The following MTRF1 variants were observed in gnomAD, a reference collection of about 807,000 sequenced individuals.
MTRF1 encodes peptide chain release factor 1, mitochondrial.
A neutral mutation model predicts 62.9 loss-of-function variants in MTRF1; 51 were observed. The ratio of observed to expected loss-of-function variants is 0.81; its 90% CI spans 0.65 to 1.02. The LOEUF (loss-of-function observed/expected upper bound fraction) is 1.02, where lower values mean the gene tolerates loss of function less well. Ranked by LOEUF, MTRF1 falls within the 50% of genes least tolerant of loss-of-function variation. MTRF1 has a pLI of 0.00. For synonymous variants in MTRF1, 158 were observed against 181.9 expected (o/e 0.87, Z 1.06); for missense variants, 446 against 530.0 (o/e 0.84, Z 1.56).
At chr13:41,286,088 CAAAAAAAAA>C in the MTRF1 span, among the ~76,000 whole-genome samples, 1 of 110,064 alleles carries the variant, frequency 9.1e-6, no homozygotes, top group Non-Finnish European at 1.7e-5. Context: ...ACAACAACAA[CAAAAAAAAA>C]AAAAAAAAAG....
chr13:41,236,920 C>T (rs763526023), intron 6 of MTRF1, among the ~76,000 whole-genome samples: 2 of 152,002 alleles, frequency 1.3e-5, no homozygotes, highest in African/African-American at 4.8e-5. Context: ...GTTTAATTTT[C>T]AAGAATATAA....
chr13:41,237,108 A>G (rs996080868), intron 6 of MTRF1, among the ~76,000 whole-genome samples: 5 of 150,256 alleles, frequency 3.3e-5, no homozygotes, highest in Non-Finnish European at 7.4e-5. Context: ...AGTCCCAGCT[A>G]TTCAAAAGGT....
At chr13:41,217,896 A>G (rs997966000) in intron 9 of MTRF1, among the ~76,000 whole-genome samples, 6 of 152,170 alleles carry the variant, frequency 3.9e-5, no homozygotes, top group African/African-American at 1.2e-4. Context: ...TTATTTTTAA[A>G]CCGAAAACAT....
Position 41,252,636 on chromosome 13 carries a change from T to C in MTRF1, c.697+9A>G, listed in dbSNP as rs997150031. 6.3e-7 allele frequency: 1 copy of C among 1,598,948 alleles called. No homozygotes were observed. Among genetic ancestry groups the C allele is most frequent in the African/African-American group, 1.3e-5 (1 of 74,508 alleles). On this transcript the variant is annotated intron_variant, in intron 5 of 9. Transcript: ENST00000379480. ...TATCTCCTACAGGCAAATTCCTCAA[T>C]ATGCCTACCATAATCTGCTGGTGTA...
intron 5 of MTRF1, among the ~76,000 whole-genome samples, chr13:41,249,268 G>A (rs776584041): frequency 4.6e-5 from 7 of 152,108 alleles, no homozygotes; most frequent in South Asian, 2.1e-4. Context: ...TAGGCCGGGC[G>A]CGGTGGCTCA....
chr13:41,235,871 A>G (rs2036430958), intron 6 of MTRF1: 1 of 152,494 alleles, frequency 6.6e-6, no homozygotes, highest in Non-Finnish European at 1.5e-5. Context: ...ACACACACAC[A>G]AATAGTTAAC....
At chr13:41,273,106 C>T in the MTRF1 span, among the ~76,000 whole-genome samples, 1 of 152,000 alleles carries the variant, frequency 6.6e-6, no homozygotes, top group African/African-American at 2.4e-5. Context: ...GCGGGTGGAT[C>T]ACGAGGTCAG....
At chr13:41,276,694 T>C in the MTRF1 span, among the ~76,000 whole-genome samples, 2 of 152,184 alleles carry the variant, frequency 1.3e-5, no homozygotes, top group Admixed American at 6.5e-5. Context: ...TAAATGATAA[T>C]GAGCCTTCCC....
At chr13:41,226,394 TA>T in intron 8 of MTRF1, 37 bp downstream of exon 8, 4 of 1,583,958 alleles carry the variant, frequency 2.5e-6, no homozygotes, top group Non-Finnish European at 3.4e-6. Flanking sequence ...GACTTTTCTT[TA>T]AACAGTCACT....
chr13:41,267,202 G>A (rs2040851242), upstream of MTRF1, among the ~76,000 whole-genome samples: 1 of 151,486 alleles, frequency 6.6e-6, no homozygotes, highest in Non-Finnish European at 1.5e-5. Flanking sequence ...TGGATCCTTA[G>A]CCCTGAGGAG....
At chr13:41,253,086 T>C in intron 3 of MTRF1, 56 bp from the exon 4 acceptor site, 1 of 1,306,614 alleles carries the variant, frequency 7.7e-7, no homozygotes, top group Non-Finnish European at 1.1e-6. Flanking sequence ...TATTACTGAA[T>C]TAAATAAAGG....
intron 2 of MTRF1, among the ~76,000 whole-genome samples, chr13:41,255,654 T>G (rs1429383019): frequency 3.3e-5 from 5 of 152,162 alleles, no homozygotes; most frequent in Non-Finnish European, 7.3e-5. Context: ...GTCATGCCAC[T>G]GCACTCCAGC....
chr13:41,226,863 C>T (rs2034524769), intron 7 of MTRF1, among the ~76,000 whole-genome samples: 1 of 152,190 alleles, frequency 6.6e-6, no homozygotes, highest in Non-Finnish European at 1.5e-5. Context: ...CTCATCCGGG[C>T]ATTTCTGCAG....
chr13:41,268,771 C>T, the MTRF1 span, among the ~76,000 whole-genome samples: 5 of 152,054 alleles, frequency 3.3e-5, no homozygotes, highest in African/African-American at 1.2e-4. Context: ...CTATAATCTC[C>T]TGTAATTTAT....
upstream of MTRF1, among the ~76,000 whole-genome samples, chr13:41,266,560 T>C (rs960427330): frequency 6.6e-6 from 1 of 152,144 alleles, no homozygotes; most frequent in African/African-American, 2.4e-5. Context: ...TGCAGTGAGC[T>C]ATGGTGCCAC....
At chr13:41,289,975 A>G in the MTRF1 span, among the ~76,000 whole-genome samples, 1 of 152,182 alleles carries the variant, frequency 6.6e-6, no homozygotes, top group Non-Finnish European at 1.5e-5. Context: ...CACAACTAGC[A>G]GGATGCAGAA....
chr13:41,264,339 C>T (rs895332242), upstream of MTRF1, among the ~76,000 whole-genome samples: 24 of 152,214 alleles, frequency 1.6e-4, no homozygotes, highest in Non-Finnish European at 2.4e-4. Flanking sequence ...AGCTTATGAA[C>T]CACTGATTAA....
At chr13:41,229,617 T>G (rs1380260024) in intron 7 of MTRF1, 2 of 152,236 alleles carry the variant, frequency 1.3e-5, no homozygotes, top group African/African-American at 4.8e-5. Context: ...TATTCTGGTT[T>G]GTCAGAGTTT....
intron 2 of MTRF1, among the ~76,000 whole-genome samples, chr13:41,257,058 G>A (rs1005919581): frequency 6.6e-6 from 1 of 152,166 alleles, no homozygotes; most frequent in African/African-American, 2.4e-5. Context: ...TAAGAGGACT[G>A]GCTTTTAACA....
Sources: allele counts gnomAD v4.1 joint callset (sites outside exome capture counted in the v4.1 genomes callset), GRCh38; gene constraint gnomAD v4.1.1; transcripts MANE v1.5; gene names NCBI Gene and HGNC (gene_info 2026-07-23, HGNC 2026-07-21).